The following LPP variants were observed in gnomAD, a reference collection of about 807,000 sequenced individuals.
The protein encoded by LPP is lipoma-preferred partner.
A neutral mutation model predicts 60.4 loss-of-function variants in LPP; 38 were observed. That is an observed-to-expected ratio of 0.63 (90% CI 0.49 to 0.83). The LOEUF (loss-of-function observed/expected upper bound fraction) is 0.83, where lower values mean the gene tolerates loss of function less well. Among genes scored for constraint, LPP ranks in the 40% least tolerant of loss-of-function variants. LPP has a pLI of 0.00. For missense variants in LPP, 902 were observed against 783.6 expected (o/e 1.15, Z -1.80); for synonymous variants, 328 against 290.8 (o/e 1.13, Z -1.30).
intron 9 of LPP, among the ~76,000 whole-genome samples, chr3:188,764,979 A>C (rs7611722): frequency 0.97 from 147,179 of 152,244 alleles, 71,171 homozygotes; most frequent in East Asian, 1. Context: ...AGTGACCAAC[A>C]CACTAGCAGC....
intron 8 of LPP, among the ~76,000 whole-genome samples, chr3:188,741,570 ATT>A (rs72066131): frequency 7.0e-6 from 1 of 143,750 alleles, no homozygotes; most frequent in African/African-American, 2.5e-5. Flanking sequence ...CCTTTACTTC[ATT>A]TTTTTTTTTT....
intron 11 of LPP, among the ~76,000 whole-genome samples, chr3:188,874,068 CCTCTT>C (rs139829789): frequency 0.057 from 8,643 of 152,100 alleles, 355 homozygotes; most frequent in Non-Finnish European, 0.088. Flanking sequence ...AGATGGGTGG[CCTCTT>C]CTCTTCTTAT....
chr3:188,768,780 C>G (rs557306902), intron 9 of LPP, among the ~76,000 whole-genome samples: 1 of 152,172 alleles, frequency 6.6e-6, no homozygotes, highest in Non-Finnish European at 1.5e-5. Context: ...GATCATGTTC[C>G]CCCAGAGAGA....
At chr3:188,865,175 GT>G (rs1560312241) in intron 9 of LPP, among the ~76,000 whole-genome samples, 1 of 152,182 alleles carries the variant, frequency 6.6e-6, no homozygotes, top group Non-Finnish European at 1.5e-5. Flanking sequence ...AAACGTGGTT[GT>G]TTGCTAAGAG....
chr3:188,843,584 G>C (rs1046257168), intron 9 of LPP, among the ~76,000 whole-genome samples: 8 of 151,234 alleles, frequency 5.3e-5, no homozygotes, highest in Non-Finnish European at 1.2e-4. Flanking sequence ...TCAGGAGATC[G>C]AGACCATCCC....
intron 9 of LPP, among the ~76,000 whole-genome samples, chr3:188,837,765 T>G (rs1361364311): frequency 6.6e-6 from 1 of 152,148 alleles, no homozygotes; most frequent in African/African-American, 2.4e-5. Context: ...AAAAGCAAAC[T>G]TAACAAGGAT....
chr3:188,636,751 CT>C (rs1220161241), intron 7 of LPP, among the ~76,000 whole-genome samples: 3 of 152,114 alleles, frequency 2.0e-5, no homozygotes, highest in East Asian at 1.9e-4. Context: ...TCCCTGACCC[CT>C]GACCCCCGAG....
chr3:188,215,864 A>T (rs1713336737), intron 1 of LPP, among the ~76,000 whole-genome samples: 1 of 152,200 alleles, frequency 6.6e-6, no homozygotes, highest in Non-Finnish European at 1.5e-5. Flanking sequence ...GGTGCTTCTC[A>T]ACTGGATGGT....
At chr3:188,612,847 G>A (rs1164833205) in intron 7 of LPP, among the ~76,000 whole-genome samples, 1 of 151,892 alleles carries the variant, frequency 6.6e-6, no homozygotes, top group African/African-American at 2.4e-5. Context: ...TATCAGGATA[G>A]TATAAAAAGA....
chr3:188,313,107 C>T (rs1196607161), intron 2 of LPP, among the ~76,000 whole-genome samples: 1 of 150,308 alleles, frequency 6.7e-6, no homozygotes, highest in East Asian at 2.0e-4. Flanking sequence ...ACGTTGTGCA[C>T]ATGTACCCCA....
chr3:188,717,623 T>C (rs1714584281), intron 8 of LPP, among the ~76,000 whole-genome samples: 1 of 152,190 alleles, frequency 6.6e-6, no homozygotes, highest in Admixed American at 6.5e-5. Context: ...GTTTAGGGTA[T>C]CTTTGAGTTG....
intron 6 of LPP, among the ~76,000 whole-genome samples, chr3:188,606,817 A>C (rs969194051): frequency 6.6e-6 from 1 of 152,086 alleles, no homozygotes; most frequent in Non-Finnish European, 1.5e-5. Flanking sequence ...GCATTGAATG[A>C]AAGAGGGAAT....
chr3:188,674,477 T>G (rs1473097442), intron 7 of LPP, among the ~76,000 whole-genome samples: 1 of 152,190 alleles, frequency 6.6e-6, no homozygotes, highest in Non-Finnish European at 1.5e-5. Flanking sequence ...CATACCACAA[T>G]GTAACTTACA....
intron 1 of LPP, chr3:188,179,746 G>A (rs925766542): frequency 3.0e-6 from 1 of 336,464 alleles, no homozygotes; most frequent in African/African-American, 2.2e-5. Flanking sequence ...GAGAGCAGTA[G>A]TTAGCTTGCA....
At chr3:188,607,372 T>TATAGATATAG (rs1553941091) in intron 6 of LPP, among the ~76,000 whole-genome samples, 3 of 4,780 alleles carry the variant, frequency 6.3e-4, no homozygotes, top group African/African-American at 2.0e-3. Context: ...AAATAGAAGA[T>TATAGATATAG]ATATATATAT....
At chr3:188,677,154 C>G (rs1405780572) in intron 7 of LPP, among the ~76,000 whole-genome samples, 1 of 152,072 alleles carries the variant, frequency 6.6e-6, no homozygotes, top group African/African-American at 2.4e-5. Context: ...ACAATGAGAC[C>G]CTGAGGCAGA....
At position 188,269,441 on chromosome 3, in the gene LPP, T is replaced by C. The variant is rs1372301478; in HGVS notation, c.-67+43914T>C. On this transcript the variant is annotated intron_variant, in intron 2 of 11. Transcript: ENST00000617246. ...CTCTTTGTACAATTCCTTTCAACAA[T>C]ATTGCTTGGAATTATAAAAACTTAA... Among the ~76,000 whole-genome samples the C allele has an allele frequency of 2.0e-5, 3 of 152,252 alleles. No homozygotes were observed. The South Asian group carries it at 6.2e-4, about 31-fold the overall frequency.
At chr3:188,542,082 T>G (rs1825342497) in intron 6 of LPP, among the ~76,000 whole-genome samples, 1 of 152,182 alleles carries the variant, frequency 6.6e-6, no homozygotes, top group South Asian at 2.1e-4. Flanking sequence ...ATAATACACT[T>G]GCATCTGCAA....
intron 2 of LPP, among the ~76,000 whole-genome samples, chr3:188,277,146 C>T (rs1306777980): frequency 6.6e-6 from 1 of 151,998 alleles, no homozygotes; most frequent in East Asian, 1.9e-4. Flanking sequence ...TCAAGTGATC[C>T]ACCCGCCTCC....
Sources: allele counts gnomAD v4.1 joint callset (sites outside exome capture counted in the v4.1 genomes callset), GRCh38; gene constraint gnomAD v4.1.1; transcripts MANE v1.5; gene names NCBI Gene and HGNC (gene_info 2026-07-23, HGNC 2026-07-21).